Variants in CREB3L2 observed in about 807,000 individuals in gnomAD.
CREB3L2 encodes cyclic AMP-responsive element-binding protein 3-like protein 2.
CREB3L2 carries 23 observed loss-of-function variants against 57.2 expected under a neutral mutation model. The ratio of observed to expected loss-of-function variants is 0.40; its 90% CI spans 0.29 to 0.57. CREB3L2 has a LOEUF of 0.57. Among genes scored for constraint, CREB3L2 ranks in the 20% least tolerant of loss-of-function variants. The pLI, the probability that CREB3L2 is intolerant of heterozygous loss-of-function variation, is 0.42. For missense variants in CREB3L2, 628 were observed against 634.7 expected, an observed-to-expected ratio of 0.99 and a Z score of 0.11; for synonymous variants, 268 against 265.1, an observed-to-expected ratio of 1.01 and a Z score of -0.11.
chr7:137,947,982 C>A (rs951229424), intron 1 of CREB3L2, among the ~76,000 whole-genome samples: 1 of 152,170 alleles, frequency 6.6e-6, no homozygotes, highest in Admixed American at 6.5e-5. Context: ...TCGGGCTCTG[C>A]CACTCTGCAG....
intron 1 of CREB3L2, among the ~76,000 whole-genome samples, chr7:137,994,245 G>A (rs546636360): frequency 5.9e-5 from 9 of 152,310 alleles, no homozygotes; most frequent in East Asian, 1.9e-4. Context: ...ACCAGACAGC[G>A]TAGAGCCATG....
intron 1 of CREB3L2, among the ~76,000 whole-genome samples, chr7:137,978,880 C>T (rs1291012981): frequency 6.6e-6 from 1 of 152,160 alleles, no homozygotes; most frequent in Non-Finnish European, 1.5e-5. Flanking sequence ...GAGAAACACA[C>T]ACTCATTTCA....
At chr7:137,998,959 C>T (rs1036008449) in intron 1 of CREB3L2, among the ~76,000 whole-genome samples, 1 of 152,116 alleles carries the variant, frequency 6.6e-6, no homozygotes, top group Non-Finnish European at 1.5e-5. Context: ...CCTCACAACT[C>T]GTATTTGAAC....
intron 1 of CREB3L2, among the ~76,000 whole-genome samples, chr7:137,972,768 G>C (rs1237066080): frequency 3.9e-5 from 3 of 76,662 alleles, no homozygotes; most frequent in African/African-American, 5.3e-5. Context: ...GAGAGAGAGA[G>C]AGAAAAGAAA....
chr7:137,925,859 G>A (rs1051940387), intron 2 of CREB3L2, among the ~76,000 whole-genome samples: 10 of 152,174 alleles, frequency 6.6e-5, no homozygotes, highest in African/African-American at 2.2e-4. Flanking sequence ...TAAGACACTG[G>A]TACTTCAAAA....
chr7:137,958,649 T>C lies in CREB3L2; in HGVS notation c.103-30283A>G, dbSNP rs928332858. Among the ~76,000 whole-genome samples, 14 of 152,250 alleles carry C rather than the reference T, an allele frequency of 9.2e-5. 1 individual carries two copies. The highest frequency in any genetic ancestry group is 4.8e-5 in the African/African-American group (2 of 41,462). On this transcript the variant is annotated intron_variant, in intron 1 of 11. Transcript: ENST00000330387. The stretch of plus-strand genomic sequence containing the variant: ...GCTTGGCATTTGGTACAATGCAATG[T>C]TTAAATGTTTTAAGAAATCCAGTGA...
rs533188287 is a variant in CREB3L2 at position 137,933,204 on chromosome 7, T to C, written c.103-4838A>G. Among the ~76,000 whole-genome samples, 36 of 152,272 alleles carry C rather than the reference T, an allele frequency of 2.4e-4. 1 individual carries two copies. Among genetic ancestry groups the C allele is most frequent in the Non-Finnish European group, 4.6e-4 (31 of 68,000 alleles). ...AAAACTAAGTTAACAAAAAGAGAAA[T>C]AAATAACAGAATGTAACACGCAAAT... is the stretch of plus-strand genomic sequence containing the variant. On this transcript the variant is annotated intron_variant, in intron 1 of 11. Coordinates refer to ENST00000330387, the MANE Select transcript of CREB3L2 (RefSeq NM_194071.4).
intron 2 of CREB3L2, 108 bp downstream of exon 2, chr7:137,928,042 A>G: frequency 1.2e-6 from 1 of 864,630 alleles, no homozygotes; most frequent in South Asian, 1.5e-5. Context: ...TAGGTATCTC[A>G]CTAATAAGGG....
Position 138,000,963 on chromosome 7 carries a change from G to T in CREB3L2, c.102+641C>A, listed in dbSNP as rs148208107. Reference sequence around the variant, plus strand: ...CTTTCTTAAATATGCAACTGTCTCAGATTTTCCATACTCCTCTGCTGGTTT... The same window carrying T: ...CTTTCTTAAATATGCAACTGTCTCATATTTTCCATACTCCTCTGCTGGTTT... On this transcript the variant is annotated intron_variant, in intron 1 of 11. Transcript: ENST00000330387. Among the ~76,000 whole-genome samples, 55 of 152,212 alleles carry T rather than the reference G, an allele frequency of 3.6e-4. 3 individuals are homozygous for T. In the East Asian group the frequency reaches 0.01, roughly 29 times the overall value.
intron 1 of CREB3L2, among the ~76,000 whole-genome samples, chr7:137,945,049 C>A (rs750067492): frequency 2.0e-5 from 3 of 152,144 alleles, no homozygotes; most frequent in Non-Finnish European, 4.4e-5. Context: ...TGTGCCACCA[C>A]GCCCAGCTAA....
At chr7:137,898,265 G>T (rs867156357) in intron 8 of CREB3L2, among the ~76,000 whole-genome samples, 6 of 152,220 alleles carry the variant, frequency 3.9e-5, no homozygotes, top group African/African-American at 1.4e-4. Flanking sequence ...CGCGAAAAGT[G>T]TTGGCAATGG....
intron 1 of CREB3L2, among the ~76,000 whole-genome samples, chr7:138,000,357 C>T (rs1802054159): frequency 6.6e-6 from 1 of 152,182 alleles, no homozygotes; most frequent in African/African-American, 2.4e-5. Context: ...ATAGTGTCCC[C>T]ATGACAAGCT....
rs113702884 is a variant in CREB3L2, at chr7:137,896,052, C to T, written c.1043+5302G>A. On this transcript the variant is annotated intron_variant, in intron 8 of 11. Transcript: ENST00000330387. ...GGGTGATGTGAGTAAAGGGTCCCAACGTCTTCCCTTGCCCAGTACCCCAAT... is the reference window on the plus strand; with the variant it reads ...GGGTGATGTGAGTAAAGGGTCCCAATGTCTTCCCTTGCCCAGTACCCCAAT... Among the ~76,000 whole-genome samples the T allele has an allele frequency of 3.3e-5, 5 of 152,362 alleles. No individual in the cohort carries two copies. The East Asian group carries it at 5.8e-4, about 18-fold the overall frequency.
intron 2 of CREB3L2, among the ~76,000 whole-genome samples, chr7:137,917,252 T>C (rs1380062232): frequency 6.6e-6 from 1 of 152,048 alleles, no homozygotes; most frequent in African/African-American, 2.4e-5. Flanking sequence ...TCTCAGAGTC[T>C]AAAAGAATAA....
At chr7:137,900,634 A>T (rs1799732229) in intron 8 of CREB3L2, among the ~76,000 whole-genome samples, 1 of 144,934 alleles carries the variant, frequency 6.9e-6, no homozygotes, top group Non-Finnish European at 1.5e-5. Flanking sequence ...ATCTCTACTA[A>T]AAAAAAAAAA....
At chr7:137,995,579 T>G (rs912801172) in intron 1 of CREB3L2, among the ~76,000 whole-genome samples, 2 of 152,078 alleles carry the variant, frequency 1.3e-5, no homozygotes, top group Non-Finnish European at 2.9e-5. Flanking sequence ...GTGATCCACC[T>G]GCCTTGGCCC....
intron 8 of CREB3L2, among the ~76,000 whole-genome samples, chr7:137,894,532 C>A (rs748176340): frequency 1.2e-4 from 19 of 152,212 alleles, no homozygotes; most frequent in Non-Finnish European, 2.8e-4. Context: ...GGGGTGCCCA[C>A]TGGTCACCAG....
In CREB3L2 at chr7:137,885,473, T is replaced by C; in HGVS notation, c.1073A>G (p.Gln358Arg). 1 of 1,614,102 alleles carries C rather than the reference T, an allele frequency of 6.2e-7. No individual in the cohort carries two copies. Among genetic ancestry groups the C allele is most frequent in the Non-Finnish European group, 8.5e-7 (1 of 1,179,990 alleles). Residue 358 changes from glutamine (Q) to arginine (R), a missense_variant, in exon 9 of 12, where the codon CAG (glutamine) becomes CGG (arginine). Gln to Arg is a conservative substitution (Grantham distance 43). Around this residue, in one of 3 missense-constraint regions of CREB3L2, gnomAD observed 272 missense variants for 242.7 expected, o/e 1.12. Coordinates refer to ENST00000330387, the MANE Select transcript of CREB3L2 (RefSeq NM_194071.4). ...AGAAACCTTGCCCATCACCAAAGTC[T>C]GAAGCTTCTGGAGTTGCTGAAGGAG... ...RTLLQQLQKL[Q>R]TLVMGKVSRT...
intron 1 of CREB3L2, among the ~76,000 whole-genome samples, chr7:137,969,279 C>A (rs1200899926): frequency 6.6e-6 from 1 of 150,748 alleles, no homozygotes; most frequent in Admixed American, 6.6e-5. Flanking sequence ...GCAATTTGAA[C>A]ATGAATGCCT....
Sources: gnomAD v4.1 joint callset for allele counts (sites outside exome capture counted in the v4.1 genomes callset) on GRCh38, gnomAD v4.1.1 for gene constraint, gnomAD v4.1.1 regional missense constraint, MANE v1.5 for transcripts, NCBI Gene and HGNC (gene_info 2026-07-23, HGNC 2026-07-21) for gene names.